Variants in ANKRD30BL observed in about 807,000 individuals in gnomAD.
ANKRD30BL encodes the protein putative ankyrin repeat domain-containing protein 30B-like.
In ANKRD30BL, 20 loss-of-function variants were observed where a neutral mutation model predicts 18.4. The ratio of observed to expected loss-of-function variants is 1.09; its 90% CI spans 0.77 to 1.58. The LOEUF (loss-of-function observed/expected upper bound fraction) is 1.58. ANKRD30BL is among the 40% of genes most tolerant of loss of function. ANKRD30BL has a pLI of 0.00. For synonymous variants in ANKRD30BL, 72 were observed against 100.9 expected (o/e 0.71, Z 1.72); for missense variants, 224 against 268.6 (o/e 0.83, Z 1.16).
At chr2:132,167,130 G>A (rs1330449269) in intron 1 of ANKRD30BL, among the ~76,000 whole-genome samples, 1 of 151,338 alleles carries the variant, frequency 6.6e-6, no homozygotes, top group African/African-American at 2.4e-5. Context: ...ATTGTGGTCT[G>A]AGTGTGTACT....
At chr2:132,189,161 G>A (rs1366215788) in intron 1 of ANKRD30BL, among the ~76,000 whole-genome samples, 1 of 152,164 alleles carries the variant, frequency 6.6e-6, no homozygotes, top group Non-Finnish European at 1.5e-5. Flanking sequence ...AAGTGTTTGT[G>A]TCAAGCAAAG....
chr2:132,175,377 T>A (rs1688349133), intron 1 of ANKRD30BL, among the ~76,000 whole-genome samples: 1 of 152,182 alleles, frequency 6.6e-6, no homozygotes, highest in African/African-American at 2.4e-5. Flanking sequence ...TGCCCAAACA[T>A]CTCAGTGGAG....
intron 1 of ANKRD30BL, among the ~76,000 whole-genome samples, chr2:132,178,440 G>T (rs1277936487): frequency 6.6e-6 from 1 of 152,198 alleles, no homozygotes; most frequent in Non-Finnish European, 1.5e-5. Flanking sequence ...TTGACTAAAT[G>T]CATGGTAGTT....
chr2:132,190,194 C>T (rs1678815661), intron 1 of ANKRD30BL, among the ~76,000 whole-genome samples: 1 of 152,050 alleles, frequency 6.6e-6, no homozygotes, highest in Non-Finnish European at 1.5e-5. Flanking sequence ...TTGAATGATA[C>T]CAACTAGTTG....
At chr2:132,242,877 A>G (rs1391050307) in intron 1 of ANKRD30BL, among the ~76,000 whole-genome samples, 3 of 151,638 alleles carry the variant, frequency 2.0e-5, no homozygotes, top group Non-Finnish European at 3.0e-5. Flanking sequence ...GAAAAAGGAA[A>G]TATCTTCACA....
At chr2:132,212,810 C>T (rs1410970766) in intron 1 of ANKRD30BL, among the ~76,000 whole-genome samples, 1 of 151,728 alleles carries the variant, frequency 6.6e-6, no homozygotes, top group African/African-American at 2.4e-5. Context: ...GAAATGTCCT[C>T]ACATAAAAAC....
chr2:132,170,224 G>C (rs1396679007), intron 1 of ANKRD30BL, among the ~76,000 whole-genome samples: 10 of 152,050 alleles, frequency 6.6e-5, no homozygotes, highest in Non-Finnish European at 1.5e-4. Flanking sequence ...TTTCTCCTTA[G>C]TTCAGCTAAA....
intron 1 of ANKRD30BL, among the ~76,000 whole-genome samples, chr2:132,221,434 C>T (rs865827579): frequency 6.5e-4 from 86 of 132,244 alleles, no homozygotes; most frequent in Admixed American, 1.1e-3. Flanking sequence ...ATCAGCCCCC[C>T]GCCTGGCCAG....
intron 1 of ANKRD30BL, among the ~76,000 whole-genome samples, chr2:132,184,692 C>T (rs1358774156): frequency 6.6e-6 from 1 of 151,758 alleles, no homozygotes; most frequent in Non-Finnish European, 1.5e-5. Flanking sequence ...ACGCATCATC[C>T]TATATCTTTC....
chr2:132,171,646 TA>T (rs1688282869), intron 1 of ANKRD30BL, among the ~76,000 whole-genome samples: 1 of 152,240 alleles, frequency 6.6e-6, no homozygotes, highest in African/African-American at 2.4e-5. Context: ...GTTTAAATTT[TA>T]TGCTTAATAA....
intron 1 of ANKRD30BL, among the ~76,000 whole-genome samples, chr2:132,170,125 T>C (rs1688252601): frequency 6.6e-6 from 1 of 152,200 alleles, no homozygotes; most frequent in Non-Finnish European, 1.5e-5. Flanking sequence ...TCAAACCCTG[T>C]CTAATTTCTA....
intron 1 of ANKRD30BL, among the ~76,000 whole-genome samples, chr2:132,187,961 G>C (rs1688599549): frequency 6.6e-6 from 1 of 152,020 alleles, no homozygotes; most frequent in African/African-American, 2.4e-5. Flanking sequence ...TGTTGGCCTG[G>C]CTGGTCTCGA....
chr2:132,231,610 C>A (rs141329796), intron 1 of ANKRD30BL, among the ~76,000 whole-genome samples: 3 of 152,146 alleles, frequency 2.0e-5, no homozygotes, highest in African/African-American at 7.2e-5. Flanking sequence ...CACTCCCACC[C>A]GAATATAGCG....
intron 1 of ANKRD30BL, among the ~76,000 whole-genome samples, chr2:132,251,329 C>T (rs75705078): frequency 7.2e-5 from 11 of 152,210 alleles, no homozygotes; most frequent in Middle Eastern, 3.4e-3. Context: ...CATTTTTGTA[C>T]GTGTGTATGT....
At chr2:132,177,758 G>A (rs1427218649) in intron 1 of ANKRD30BL, among the ~76,000 whole-genome samples, 1 of 152,172 alleles carries the variant, frequency 6.6e-6, no homozygotes, top group African/African-American at 2.4e-5. Context: ...AGGTCAACAT[G>A]AGGAGAGACA....
At position 132,200,299 on chromosome 2, in the gene ANKRD30BL, T is replaced by C. The variant is rs531754878; in HGVS notation, n.442-43153A>G. Among the ~76,000 whole-genome samples, 911 of 149,246 alleles carry C rather than the reference T, an allele frequency of 6.1e-3. 11 individuals carry two copies. Among genetic ancestry groups the C allele is most frequent in the African/African-American group, 0.022 (846 of 38,816 alleles). On this transcript the variant is annotated intron_variant and non_coding_transcript_variant, in intron 1 of 4. Coordinates refer to the ANKRD30BL transcript ENST00000470729. ...GTGATGGAAGTTCTGGCCAGGGCAATCAGGCAGGAGAAGGAAATAAAGGGT... is the reference window on the plus strand; with the variant it reads ...GTGATGGAAGTTCTGGCCAGGGCAACCAGGCAGGAGAAGGAAATAAAGGGT...
At chr2:132,246,206 T>C (rs200820673) in intron 1 of ANKRD30BL, among the ~76,000 whole-genome samples, 96 of 151,788 alleles carry the variant, frequency 6.3e-4, no homozygotes, top group Non-Finnish European at 3.4e-4. Flanking sequence ...TGAACATTCC[T>C]TTTCATAGAG....
chr2:132,229,620 C>T (rs1679950348), intron 1 of ANKRD30BL, among the ~76,000 whole-genome samples: 1 of 152,100 alleles, frequency 6.6e-6, no homozygotes. Flanking sequence ...ACGGGAATAT[C>T]TTCACATAAA....
At chr2:132,246,714 C>G (rs116191282) in intron 1 of ANKRD30BL, among the ~76,000 whole-genome samples, 1 of 151,492 alleles carries the variant, frequency 6.6e-6, no homozygotes, top group East Asian at 1.9e-4. Context: ...CTTGAACATT[C>G]TTTTTCATAG....
Sources: allele counts gnomAD v4.1 joint callset (sites outside exome capture counted in the v4.1 genomes callset), GRCh38; gene constraint gnomAD v4.1.1; transcripts MANE v1.5; gene names NCBI Gene and HGNC (gene_info 2026-07-23, HGNC 2026-07-21).